The following RARB variants were observed in gnomAD, a reference collection of about 807,000 sequenced individuals.
RARB encodes the protein retinoic acid receptor beta.
In RARB, 17 loss-of-function variants were observed where a neutral mutation model predicts 51.9. That is an observed-to-expected ratio of 0.33 (90% confidence interval 0.22 to 0.49). The LOEUF is 0.49. RARB is among the 20% of genes least tolerant of loss of function. The pLI, the probability that RARB is intolerant of heterozygous loss-of-function variation, is 0.99. For synonymous variants in RARB, 215 were observed against 195.4 expected (o/e 1.10, Z -0.84); for missense variants, 369 against 550.8 (o/e 0.67, Z 3.30).
intron 1 of RARB, among the ~76,000 whole-genome samples, chr3:25,458,871 T>TA (rs147065635): frequency 0.064 from 9,696 of 152,260 alleles, 365 homozygotes; most frequent in East Asian, 0.13. Context: ...TTTCTAATTT[T>TA]ATCATTTAAC....
At chr3:25,152,648 C>T (rs1036699103) in intron 4 of RARB, among the ~76,000 whole-genome samples, 1 of 152,024 alleles carries the variant, frequency 6.6e-6, no homozygotes, top group Non-Finnish European at 1.5e-5. Flanking sequence ...TACATACATA[C>T]ACAGTAATAC....
intron 2 of RARB, among the ~76,000 whole-genome samples, chr3:25,053,471 T>A (rs1188347228): frequency 6.6e-6 from 1 of 152,146 alleles, no homozygotes; most frequent in South Asian, 2.1e-4. Context: ...ATGAATTGAA[T>A]CCTTGGCGGC....
intron 3 of RARB, among the ~76,000 whole-genome samples, chr3:25,064,437 A>G (rs1698616318): frequency 1.3e-5 from 2 of 152,262 alleles, no homozygotes; most frequent in South Asian, 4.1e-4. Context: ...GCATTTTTAA[A>G]TGTCTTTTTC....
chr3:25,425,899 T>A (rs999534038), upstream of RARB, among the ~76,000 whole-genome samples: 4 of 152,162 alleles, frequency 2.6e-5, no homozygotes, highest in African/African-American at 7.2e-5. Context: ...TGCAGCAGCC[T>A]CCCCTGGATA....
At chr3:25,163,407 A>T (rs1700504885) in intron 4 of RARB, among the ~76,000 whole-genome samples, 1 of 151,442 alleles carries the variant, frequency 6.6e-6, no homozygotes, top group Non-Finnish European at 1.5e-5. Flanking sequence ...CAGGAGGCTG[A>T]GGCAGGAGGA....
At chr3:25,416,213 C>G (rs1203254915) in intron 5 of RARB, among the ~76,000 whole-genome samples, 1 of 152,198 alleles carries the variant, frequency 6.6e-6, no homozygotes, top group Admixed American at 6.5e-5. Context: ...GATACCTCAT[C>G]TCTACTAAAA....
At chr3:24,977,802 T>C (rs148173901) in intron 2 of RARB, among the ~76,000 whole-genome samples, 30,621 of 152,026 alleles carry the variant, frequency 0.2, 3,595 homozygotes, top group East Asian at 0.3. Flanking sequence ...TGAATAGGAG[T>C]GGTGAGAGAG....
chr3:25,495,454 G>T (rs774640034), intron 2 of RARB, among the ~76,000 whole-genome samples: 1 of 152,318 alleles, frequency 6.6e-6, no homozygotes. Context: ...TTTCTGCACT[G>T]TAGATAATAG....
At chr3:25,350,930 T>C (rs1392404773) in intron 5 of RARB, among the ~76,000 whole-genome samples, 1 of 152,172 alleles carries the variant, frequency 6.6e-6, no homozygotes, top group Non-Finnish European at 1.5e-5. Context: ...TCAATGGACA[T>C]CAATCATGGG....
chr3:25,559,653 T>C (rs764319711), intron 3 of RARB, among the ~76,000 whole-genome samples: 1 of 152,196 alleles, frequency 6.6e-6, no homozygotes, highest in African/African-American at 2.4e-5. Context: ...GATGGATATA[T>C]GGTTGGATGG....
chr3:25,378,185 G>A (rs192066117), intron 5 of RARB, among the ~76,000 whole-genome samples: 9 of 152,170 alleles, frequency 5.9e-5, no homozygotes, highest in Admixed American at 3.9e-4. Context: ...ACAAGACTCG[G>A]GCATGCATGC....
chr3:25,337,150 G>A (rs972263558), intron 5 of RARB, among the ~76,000 whole-genome samples: 31 of 152,068 alleles, frequency 2.0e-4, no homozygotes, highest in Non-Finnish European at 3.7e-4. Context: ...AACAAGAAAT[G>A]TACATTTTGC....
chr3:24,890,893 G>T (rs1459839845), intron 2 of RARB, among the ~76,000 whole-genome samples: 1 of 152,136 alleles, frequency 6.6e-6, no homozygotes, highest in Non-Finnish European at 1.5e-5. Context: ...CCAGCTGTGT[G>T]ATCTTGGGCA....
intron 5 of RARB, among the ~76,000 whole-genome samples, chr3:25,216,066 G>A (rs1701826109): frequency 6.6e-6 from 1 of 152,126 alleles, no homozygotes; most frequent in Admixed American, 6.5e-5. Flanking sequence ...CAGTCAGAGA[G>A]GTGCAGGTAT....
intron 1 of RARB, among the ~76,000 whole-genome samples, chr3:25,460,261 C>T (rs1168149348): frequency 6.6e-6 from 1 of 151,842 alleles, no homozygotes; most frequent in Non-Finnish European, 1.5e-5. Flanking sequence ...TAAGTGATGC[C>T]GATGCATGTT....
intron 3 of RARB, among the ~76,000 whole-genome samples, chr3:25,073,655 A>G (rs1225669936): frequency 6.6e-6 from 1 of 152,174 alleles, no homozygotes; most frequent in African/African-American, 2.4e-5. Context: ...CCATGTGGTA[A>G]TTTACTTTGC....
chr3:24,931,329 C>G (rs566004866), intron 2 of RARB, among the ~76,000 whole-genome samples: 1 of 152,230 alleles, frequency 6.6e-6, no homozygotes, highest in East Asian at 1.9e-4. Flanking sequence ...GCAAAGCTTA[C>G]AGTTCTTGGT....
chr3:24,907,479 T>C (rs1187848696), intron 2 of RARB, among the ~76,000 whole-genome samples: 2 of 152,070 alleles, frequency 1.3e-5, no homozygotes, highest in African/African-American at 4.8e-5. Context: ...AAAGGAATTA[T>C]TAGGTGTATT....
chr3:25,440,586 T>C (rs923842009), intron 1 of RARB, among the ~76,000 whole-genome samples: 2 of 151,924 alleles, frequency 1.3e-5, no homozygotes, highest in Admixed American at 1.3e-4. Flanking sequence ...GACTGGTCAA[T>C]GTGGTGAAAC....
Sources: allele counts gnomAD v4.1 joint callset (sites outside exome capture counted in the v4.1 genomes callset), GRCh38; gene constraint gnomAD v4.1.1; transcripts MANE v1.5; gene names NCBI Gene and HGNC (gene_info 2026-07-23, HGNC 2026-07-21).